KDM4B: variants seen among roughly 807,000 people sequenced by gnomAD.
KDM4B encodes lysine demethylase 4B, also known as lysine-specific demethylase 4B.
KDM4B carries 32 observed loss-of-function variants against 125.2 expected under a neutral mutation model. That is an observed-to-expected ratio of 0.26 (90% CI 0.19 to 0.34). The LOEUF (loss-of-function observed/expected upper bound fraction) is 0.34, where lower values mean the gene tolerates loss of function less well. KDM4B is among the 10% of genes least tolerant of loss of function. KDM4B has a pLI of 1.00. For missense variants in KDM4B, 1,190 were observed against 1,577.7 expected (o/e 0.75, Z 4.16); for synonymous variants, 721 against 677.9 (o/e 1.06, Z -0.99).
intron 18 of KDM4B, 131 bp from the exon 19 acceptor site, chr19:5,143,836 C>T: frequency 1.4e-6 from 1 of 730,354 alleles, no homozygotes; most frequent in Middle Eastern, 3.4e-4. Context: ...GGGGAACCCT[C>T]ACTGGGCAGA....
chr19:4,974,374 C>T (rs1373264597), intron 1 of KDM4B, among the ~76,000 whole-genome samples: 1 of 151,722 alleles, frequency 6.6e-6, no homozygotes, highest in Non-Finnish European at 1.5e-5. Flanking sequence ...TGTACTCCAG[C>T]CTGGGCGACA....
intron 6 of KDM4B, among the ~76,000 whole-genome samples, chr19:5,065,467 CTTTA>C (rs1453473340): frequency 3.3e-5 from 5 of 152,196 alleles, no homozygotes; most frequent in East Asian, 1.9e-4. Flanking sequence ...CTGTTTCACA[CTTTA>C]TTTGTTTGAT....
rs539463878 is a variant in KDM4B at position 4,970,087 on chromosome 19, A to G, written c.-109+857A>G. On this transcript the variant is annotated intron_variant, in intron 1 of 22. Coordinates refer to ENST00000159111, the MANE Select transcript of KDM4B (RefSeq NM_015015.3). ...GAGCTGGGGACGGACTCGCTCTGAA[A>G]TCTGCTTGACCTGGGGTCTGCCAGG... Among the ~76,000 whole-genome samples, 322 of 151,956 alleles carry G rather than the reference A, an allele frequency of 2.1e-3. 1 individual carries two copies. Among genetic ancestry groups the G allele is most frequent in the African/African-American group, 7.5e-3 (309 of 41,410 alleles).
intron 5 of KDM4B, among the ~76,000 whole-genome samples, chr19:5,041,808 C>G (rs1363463709): frequency 1.3e-4 from 20 of 152,266 alleles, no homozygotes; most frequent in Non-Finnish European, 7.3e-5. Context: ...CCGCTGGACG[C>G]CAGAAGTGGG....
In KDM4B at chr19:5,066,340, CT is replaced by C. The variant is rs111758136; in HGVS notation, c.627-4669del. On this transcript the variant is annotated intron_variant, in intron 6 of 22. Transcript: ENST00000159111. ...GCCCGTGCCCACCCACCCACTGCCC[CT>C]GTGCCGGGGTGTCCTTCCTTCTGGA... is the stretch of plus-strand genomic sequence containing the variant. Among the ~76,000 whole-genome samples the C allele has an allele frequency of 6.8e-3, 1,041 of 152,286 alleles. 14 individuals carry two copies. The highest frequency in any genetic ancestry group is 0.022 in the African/African-American group (930 of 41,544).
At chr19:5,020,301 AGGTGTTGGTGTG>A (rs1330963414) in intron 2 of KDM4B, among the ~76,000 whole-genome samples, 1 of 114,312 alleles carries the variant, frequency 8.7e-6, no homozygotes, top group Non-Finnish European at 1.9e-5. Flanking sequence ...GTTGGTGTGC[AGGTGTTGGTGTG>A]GGTGTTGGTG....
intron 1 of KDM4B, among the ~76,000 whole-genome samples, chr19:4,987,041 C>G (rs1031625956): frequency 6.6e-6 from 1 of 152,058 alleles, no homozygotes; most frequent in Non-Finnish European, 1.5e-5. Context: ...TCACTGCAAC[C>G]TCTGCCTACT....
intron 9 of KDM4B, among the ~76,000 whole-genome samples, chr19:5,088,338 G>C (rs777269626): frequency 6.6e-6 from 1 of 152,192 alleles, no homozygotes; most frequent in Non-Finnish European, 1.5e-5. Context: ...AGGGAGGTGA[G>C]TGTAAAAATG....
At chr19:5,086,463 G>A (rs890481128) in intron 9 of KDM4B, among the ~76,000 whole-genome samples, 1 of 152,248 alleles carries the variant, frequency 6.6e-6, no homozygotes, top group African/African-American at 2.4e-5. Flanking sequence ...ACCCACAAAT[G>A]AGCAGCCTGT....
intron 15 of KDM4B, among the ~76,000 whole-genome samples, chr19:5,136,376 T>C (rs2620835): frequency 0.28 from 42,104 of 152,150 alleles, 6,047 homozygotes; most frequent in East Asian, 0.47. Context: ...AATTGGACTT[T>C]CAGGGAAGGA....
intron 2 of KDM4B, among the ~76,000 whole-genome samples, chr19:5,022,966 C>G (rs895016910): frequency 6.6e-6 from 1 of 152,034 alleles, no homozygotes. Context: ...GAATGATGGT[C>G]CCCATGGATG....
rs576399937 is a variant in KDM4B at position 5,080,294 on chromosome 19, C to T, written c.781-2073C>T. Among the ~76,000 whole-genome samples the T allele has an allele frequency of 2.4e-4, 36 of 152,306 alleles. 1 individual carries two copies. In the South Asian group the frequency reaches 5.6e-3, roughly 24 times the overall value. The stretch of plus-strand genomic sequence containing the variant: ...CTCACCAGTTCTGATGGCTTATTGG[C>T]GACTTCAGTGTATCCAGCAATCTCT... On this transcript the variant is annotated intron_variant, in intron 8 of 22. Transcript: ENST00000159111.
intron 18 of KDM4B, among the ~76,000 whole-genome samples, chr19:5,139,863 C>T (rs1232278772): frequency 6.6e-6 from 1 of 152,234 alleles, no homozygotes; most frequent in Non-Finnish European, 1.5e-5. Context: ...TTGGGCGTAG[C>T]GGGGCCTCAT....
At chr19:5,121,697 T>C (rs1322125384) in intron 11 of KDM4B, among the ~76,000 whole-genome samples, 1 of 152,104 alleles carries the variant, frequency 6.6e-6, no homozygotes, top group African/African-American at 2.4e-5. Flanking sequence ...AATTCCTAAA[T>C]AAACAGAAGG....
At chr19:5,069,126 CCT>C (rs1181383324) in intron 6 of KDM4B, among the ~76,000 whole-genome samples, 1 of 152,002 alleles carries the variant, frequency 6.6e-6, no homozygotes, top group East Asian at 1.9e-4. Flanking sequence ...GGAATGCACC[CCT>C]GTCTAGACAG....
rs2039737309 is a variant in KDM4B at position 5,141,255 on chromosome 19, C to T, written c.2551-2712C>T. 6.6e-6 allele frequency: 1 copy of T among 152,128 alleles called. No homozygotes were observed. Among genetic ancestry groups the T allele is most frequent in the African/African-American group, 2.4e-5 (1 of 41,440 alleles). 9.4% of individuals were successfully genotyped at this position (152,128 alleles called of 1,614,324 possible). On this transcript the variant is annotated intron_variant, in intron 18 of 22. Coordinates refer to ENST00000159111, the MANE Select transcript of KDM4B (RefSeq NM_015015.3). The surrounding 1 kb of genome is among the most constrained non-coding windows in gnomAD (Gnocchi z 6.4). ...GGAGTGGAGTGTGCAGTGGGTCACGCCGGCCTGGCCGGGCACGGCCAGGCG... is the reference window on the plus strand; with the variant it reads ...GGAGTGGAGTGTGCAGTGGGTCACGTCGGCCTGGCCGGGCACGGCCAGGCG...
At chr19:4,977,418 G>A (rs2034486025) in intron 1 of KDM4B, among the ~76,000 whole-genome samples, 1 of 152,232 alleles carries the variant, frequency 6.6e-6, no homozygotes. Context: ...TTTCAGACAA[G>A]CCTGGGTGAC....
At chr19:5,126,816 G>A (rs956216029) in intron 11 of KDM4B, among the ~76,000 whole-genome samples, 2 of 152,242 alleles carry the variant, frequency 1.3e-5, no homozygotes, top group Non-Finnish European at 2.9e-5. Context: ...CCCTGAGACC[G>A]GGGCTGGTTG....
chr19:5,037,592 T>A (rs761936700), intron 3 of KDM4B, among the ~76,000 whole-genome samples: 32 of 152,230 alleles, frequency 2.1e-4, no homozygotes, highest in Middle Eastern at 3.2e-3. Context: ...TGTCCTTTCC[T>A]TGGGACCGGC....
Sources: gnomAD v4.1 joint callset for allele counts (sites outside exome capture counted in the v4.1 genomes callset) on GRCh38, gnomAD v4.1.1 for gene constraint, Gnocchi (gnomAD v3.1) non-coding constraint, MANE v1.5 for transcripts, NCBI Gene and HGNC (gene_info 2026-07-23, HGNC 2026-07-21) for gene names.